TAF1: variants seen among roughly 807,000 people sequenced by gnomAD.
The protein encoded by TAF1 is transcription initiation factor TFIID subunit 1.
A neutral mutation model predicts 138.5 loss-of-function variants in TAF1; 2 were observed. The observed-to-expected ratio is 0.01, with a 90% CI of 0.01 to 0.05. The LOEUF (loss-of-function observed/expected upper bound fraction) is 0.05. Ranked by LOEUF, TAF1 falls within the 10% of genes least tolerant of loss-of-function variation. TAF1 has a pLI of 1.00. For synonymous variants in TAF1, 437 were observed against 503.2 expected, an observed-to-expected ratio of 0.87 and a Z score of 1.76; for missense variants, 709 against 1,478.0, an observed-to-expected ratio of 0.48 and a Z score of 8.53.
chrX:71,482,432 C>T (rs1340513973), intron 13 of TAF1, among the ~76,000 whole-genome samples: 1 of 112,102 alleles, frequency 8.9e-6, no homozygotes, highest in African/African-American at 3.2e-5. Flanking sequence ...ACAAGCATAC[C>T]TCAGAGATAT....
At chrX:71,510,261 T>C (rs909358553) in intron 13 of TAF1, among the ~76,000 whole-genome samples, 1 of 110,679 alleles carries the variant, frequency 9.0e-6, no homozygotes, top group African/African-American at 3.3e-5. Context: ...CCTCAAACCA[T>C]TGCAGAAGTG....
At chrX:71,487,535 C>G (rs1340749425) in intron 13 of TAF1, among the ~76,000 whole-genome samples, 1 of 110,313 alleles carries the variant, frequency 9.1e-6, no homozygotes, top group East Asian at 2.8e-4. Context: ...CTTGGCCAGG[C>G]TGGTCTGAAA....
intron 26 of TAF1, 72 bp downstream of exon 26, chrX:71,406,818 C>G: frequency 1.2e-6 from 1 of 861,313 alleles, no homozygotes; most frequent in Non-Finnish European, 1.7e-6. Context: ...TGCCACAGCT[C>G]TGACAGCCTT....
chrX:71,379,200 C>T (rs2033699442), intron 8 of TAF1, among the ~76,000 whole-genome samples, 169 bp downstream of exon 8: 1 of 105,255 alleles, frequency 9.5e-6, no homozygotes, highest in Non-Finnish European at 1.9e-5. Flanking sequence ...ACTGCAACCT[C>T]CGCCTCCCCA....
intron 23 of TAF1, among the ~76,000 whole-genome samples, chrX:71,397,788 C>T (rs968954462): frequency 9.0e-6 from 1 of 111,034 alleles, no homozygotes; most frequent in African/African-American, 3.3e-5. Flanking sequence ...TGGCCTGATT[C>T]ACCACTTTCG....
intron 14 of TAF1, chrX:71,529,396 G>A (rs2147656533): frequency 6.0e-6 from 1 of 165,733 alleles, no homozygotes; most frequent in African/African-American, 3.1e-5. Flanking sequence ...AGTGCTGATT[G>A]GTGCATTTAC....
intron 25 of TAF1, among the ~76,000 whole-genome samples, chrX:71,402,488 C>A (rs2035232148): frequency 8.9e-6 from 1 of 112,059 alleles, no homozygotes; most frequent in Non-Finnish European, 1.9e-5. Flanking sequence ...ATTCTCCCAC[C>A]TCGGCCTCCC....
intron 13 of TAF1, among the ~76,000 whole-genome samples, chrX:71,517,343 ATTGT>A (rs1382664736): frequency 4.5e-5 from 5 of 112,163 alleles, no homozygotes; most frequent in Non-Finnish European, 9.4e-5. Flanking sequence ...ATATAATCGG[ATTGT>A]TTGTAACACA....
At chrX:71,502,025 A>G (rs1325467818) in intron 13 of TAF1, among the ~76,000 whole-genome samples, 1 of 111,119 alleles carries the variant, frequency 9.0e-6, no homozygotes, top group East Asian at 2.8e-4. Flanking sequence ...CACGGACCCA[A>G]AGAGTAAGCA....
intron 13 of TAF1, among the ~76,000 whole-genome samples, chrX:71,518,681 T>C (rs2039866093): frequency 9.3e-6 from 1 of 107,086 alleles, no homozygotes; most frequent in African/African-American, 3.4e-5. Context: ...CAAAATTCTT[T>C]TCTTTTCTTT....
At position 71,464,183 on chromosome X, in the gene TAF1, G is replaced by C; in HGVS notation, c.*137G>C. ...AACTAACACCTTAGCCTTTTTAAAA[G>C]TAGTAAGTAAATGATAATAAATCAC... On this transcript the variant is annotated 3_prime_UTR_variant, in exon 38 of 38. Coordinates refer to ENST00000423759, the MANE Select transcript of TAF1 (RefSeq NM_004606.5). 1.8e-6 allele frequency: 1 copy of C among 553,337 alleles called. No individual in the cohort carries two copies. The highest frequency in any genetic ancestry group is 2.9e-6 in the Non-Finnish European group (1 of 347,528). 45.6% of individuals were successfully genotyped at this position (553,337 alleles called of 1,213,427 possible).
At chrX:71,440,921 T>A (rs1015332602) in intron 32 of TAF1, among the ~76,000 whole-genome samples, 2 of 110,658 alleles carry the variant, frequency 1.8e-5, no homozygotes, top group African/African-American at 6.6e-5. Context: ...CCTTCTTCTT[T>A]CTCCTTCTTT....
chrX:71,474,033 T>C (rs1236213984), intron 13 of TAF1, among the ~76,000 whole-genome samples: 1 of 110,666 alleles, frequency 9.0e-6, no homozygotes, highest in Non-Finnish European at 1.9e-5. Context: ...TAATCCCAGC[T>C]ACTCAGGAGG....
At position 71,401,821 on chromosome X, in the gene TAF1, A is replaced by G. The variant is rs971876721; in HGVS notation, c.3998+82A>G. The G allele has an allele frequency of 7.5e-6, 7 of 930,213 alleles. No homozygotes were observed. In the African/African-American group the frequency reaches 1.4e-4, roughly 18 times the overall value. 76.7% of individuals were successfully genotyped at this position (930,213 alleles called of 1,213,427 possible). ...TTGGTGGCTGGCAGGGGTAGATGTG[A>G]TGTGTTCTCTGAAGTGGAACTGAAG... On this transcript the variant is annotated intron_variant, in intron 25 of 37. Coordinates refer to ENST00000423759, the MANE Select transcript of TAF1 (RefSeq NM_004606.5).
intron 5 of TAF1, 94 bp downstream of exon 5, chrX:71,377,285 C>T: frequency 1.8e-6 from 2 of 1,141,363 alleles, no homozygotes; most frequent in Non-Finnish European, 2.3e-6. Context: ...AATGGGGTTT[C>T]CTTACTCAGT....
chrX:71,475,324 G>T (rs2038959639), intron 13 of TAF1, among the ~76,000 whole-genome samples: 2 of 111,549 alleles, frequency 1.8e-5, no homozygotes, highest in South Asian at 7.5e-4. Context: ...AGTGGCTCAC[G>T]CCTGTAATCC....
chrX:71,386,315 G>T (rs1292243238), intron 14 of TAF1, among the ~76,000 whole-genome samples: 1 of 111,484 alleles, frequency 9.0e-6, no homozygotes. Flanking sequence ...TTAGACTCAG[G>T]CTTCTTGTGA....
At chrX:71,462,643 ATT>A (rs200071413) in intron 37 of TAF1, among the ~76,000 whole-genome samples, 1 of 111,366 alleles carries the variant, frequency 9.0e-6, no homozygotes, top group Non-Finnish European at 1.9e-5. Flanking sequence ...ACGAAGTGCA[ATT>A]TTTTTACCTA....
intron 16 of TAF1, 94 bp from the exon 17 acceptor site, chrX:71,388,644 A>C: frequency 8.8e-7 from 1 of 1,131,330 alleles, no homozygotes; most frequent in Non-Finnish European, 1.2e-6. Context: ...TAGGCCTGTT[A>C]CAGTTTTGGT....
Sources: gnomAD v4.1 joint callset for allele counts (sites outside exome capture counted in the v4.1 genomes callset) on GRCh38, gnomAD v4.1.1 for gene constraint, MANE v1.5 for transcripts, NCBI Gene and HGNC (gene_info 2026-07-23, HGNC 2026-07-21) for gene names.